The following ARHGAP24 variants were observed in gnomAD, a reference collection of about 807,000 sequenced individuals.
ARHGAP24 encodes Rho GTPase activating protein 24, also known as rho GTPase-activating protein 24.
In ARHGAP24, 50 loss-of-function variants were observed where a neutral mutation model predicts 76.4. That is an observed-to-expected ratio of 0.65 (90% CI 0.52 to 0.83). The LOEUF (loss-of-function observed/expected upper bound fraction) is 0.83. Ranked by LOEUF, ARHGAP24 falls within the 40% of genes least tolerant of loss-of-function variation. The pLI is 0.00. For missense variants in ARHGAP24, 930 were observed against 914.2 expected (o/e 1.02, Z -0.22); for synonymous variants, 345 against 323.3 (o/e 1.07, Z -0.72).
intron 2 of ARHGAP24, among the ~76,000 whole-genome samples, chr4:85,718,500 A>G (rs963198613): frequency 2.0e-5 from 3 of 152,096 alleles, no homozygotes; most frequent in African/African-American, 7.2e-5. Context: ...CAACACTATA[A>G]ATATTGCTAA....
intron 2 of ARHGAP24, among the ~76,000 whole-genome samples, chr4:85,627,293 A>G (rs1276377904): frequency 6.6e-6 from 1 of 152,142 alleles, no homozygotes; most frequent in Non-Finnish European, 1.5e-5. Flanking sequence ...CTTCTAACAG[A>G]CAGGACCCTC....
intron 3 of ARHGAP24, among the ~76,000 whole-genome samples, chr4:85,789,540 C>T (rs1728022699): frequency 6.6e-6 from 1 of 152,104 alleles, no homozygotes; most frequent in Non-Finnish European, 1.5e-5. Context: ...ATAGAACCAA[C>T]ATCTGATGCT....
At position 85,806,520 on chromosome 4, in the gene ARHGAP24, G is replaced by A. The variant is rs530194699; in HGVS notation, c.268+84548G>A. The stretch of plus-strand genomic sequence containing the variant: ...AGGCTTTAGAAAGCAGTCTGCACAT[G>A]CTAGAAGAACATGACACCCTCCCAT... On this transcript the variant is annotated intron_variant, in intron 3 of 9. Transcript: ENST00000395184. Among the ~76,000 whole-genome samples, 5 of 152,282 alleles carry A rather than the reference G, an allele frequency of 3.3e-5. No homozygotes were observed. In the South Asian group the frequency reaches 1.0e-3, roughly 32 times the overall value.
chr4:85,993,341 T>C (rs1740449233), intron 8 of ARHGAP24, among the ~76,000 whole-genome samples: 1 of 152,178 alleles, frequency 6.6e-6, no homozygotes, highest in Non-Finnish European at 1.5e-5. Context: ...TTTAACAGGA[T>C]CTCCAGGTAA....
intron 2 of ARHGAP24, among the ~76,000 whole-genome samples, chr4:85,596,720 A>G (rs1719847985): frequency 6.6e-6 from 1 of 152,090 alleles, no homozygotes; most frequent in Non-Finnish European, 1.5e-5. Flanking sequence ...TTTGTATATA[A>G]AACAGTTCAA....
intron 5 of ARHGAP24, chr4:85,942,553 G>C (rs920282550): frequency 3.9e-5 from 13 of 333,042 alleles, no homozygotes; most frequent in African/African-American, 2.5e-4. Flanking sequence ...ACTGGAAAAA[G>C]TGAATTTATA....
chr4:85,579,055 T>C (rs1341189483), intron 2 of ARHGAP24, among the ~76,000 whole-genome samples: 3 of 152,172 alleles, frequency 2.0e-5, no homozygotes, highest in African/African-American at 7.2e-5. Context: ...TTTTCTGGGC[T>C]CCTTCAGAGT....
chr4:85,733,975 C>G (rs6813860), intron 3 of ARHGAP24, among the ~76,000 whole-genome samples: 22,922 of 152,124 alleles, frequency 0.15, 2,384 homozygotes, highest in East Asian at 0.55. Flanking sequence ...AAAGGCTTCT[C>G]TATTTTAGGG....
intron 1 of ARHGAP24, among the ~76,000 whole-genome samples, chr4:85,556,766 C>T (rs1269030239): frequency 1.3e-5 from 2 of 152,128 alleles, no homozygotes; most frequent in Non-Finnish European, 2.9e-5. Context: ...GGTCTCCAAC[C>T]ACTCCACTCC....
chr4:85,916,382 A>G (rs10006487), intron 3 of ARHGAP24, among the ~76,000 whole-genome samples: 19,625 of 152,110 alleles, frequency 0.13, 1,380 homozygotes, highest in African/African-American at 0.17. Context: ...CTCTGATGAT[A>G]GCTTCTTCAC....
chr4:85,513,350 C>T (rs1410669855), intron 1 of ARHGAP24, among the ~76,000 whole-genome samples: 1 of 152,164 alleles, frequency 6.6e-6, no homozygotes, highest in Non-Finnish European at 1.5e-5. Flanking sequence ...GCTTTTGCTG[C>T]CATGTTTGTC....
At chr4:85,991,163 T>C (rs1740296312) in intron 8 of ARHGAP24, 1 of 152,082 alleles carries the variant, frequency 6.6e-6, no homozygotes, top group South Asian at 2.1e-4. Flanking sequence ...CTTTAGTCAT[T>C]AGAAAAACTA....
chr4:85,890,316 G>A (rs1578350580), intron 3 of ARHGAP24, among the ~76,000 whole-genome samples: 1 of 151,926 alleles, frequency 6.6e-6, no homozygotes, highest in South Asian at 2.1e-4. Flanking sequence ...CTTTTATCTT[G>A]GTCATCACAC....
intron 3 of ARHGAP24, among the ~76,000 whole-genome samples, chr4:85,799,218 A>G (rs1044646140): frequency 1.3e-5 from 2 of 152,156 alleles, no homozygotes; most frequent in African/African-American, 4.8e-5. Flanking sequence ...CTTTCAAAAA[A>G]CAATAACTAG....
intron 1 of ARHGAP24, among the ~76,000 whole-genome samples, chr4:85,495,792 A>G (rs1723556338): frequency 6.6e-6 from 1 of 152,232 alleles, no homozygotes; most frequent in Non-Finnish European, 1.5e-5. Flanking sequence ...TCTGATGCCT[A>G]CATAGAAGTA....
In ARHGAP24 at chr4:85,484,121, A is replaced by G. The variant is rs372951363; in HGVS notation, c.-21+8562A>G. Reference sequence around the variant, plus strand: ...GGTTTTTTCCCTATTTTCCTATGCCATCTACTCATAGTGCAGCTGGGTAAG... The same window carrying G: ...GGTTTTTTCCCTATTTTCCTATGCCGTCTACTCATAGTGCAGCTGGGTAAG... On this transcript the variant is annotated intron_variant, in intron 1 of 9. Coordinates refer to ENST00000395184, the MANE Select transcript of ARHGAP24 (RefSeq NM_001025616.3). 3.3e-5 allele frequency among the ~76,000 whole-genome samples: 5 copies of G among 152,226 alleles called. No individual in the cohort carries two copies. In the East Asian group the frequency reaches 9.6e-4, roughly 29 times the overall value.
chr4:85,914,094 A>G (rs946303115), intron 3 of ARHGAP24, among the ~76,000 whole-genome samples: 2 of 152,240 alleles, frequency 1.3e-5, no homozygotes, highest in Non-Finnish European at 2.9e-5. Flanking sequence ...CATGAATGAC[A>G]TGTCCTTGCA....
chr4:85,481,846 A>C (rs1219157850), intron 1 of ARHGAP24, among the ~76,000 whole-genome samples: 1 of 152,230 alleles, frequency 6.6e-6, no homozygotes, highest in East Asian at 1.9e-4. Flanking sequence ...AGAAAAGAAG[A>C]AAAGTTGGGT....
chr4:85,631,213 AGATAAAAAG>A (rs1721147045), intron 2 of ARHGAP24, among the ~76,000 whole-genome samples: 1 of 152,180 alleles, frequency 6.6e-6, no homozygotes, highest in Admixed American at 6.6e-5. Flanking sequence ...AAGATAAAAA[AGATAAAAAG>A]GTTTCACTTG....
Sources: gnomAD v4.1 joint callset for allele counts (sites outside exome capture counted in the v4.1 genomes callset) on GRCh38, gnomAD v4.1.1 for gene constraint, MANE v1.5 for transcripts, NCBI Gene and HGNC (gene_info 2026-07-23, HGNC 2026-07-21) for gene names.